SPINK14: variants seen among roughly 807,000 people sequenced by gnomAD.
SPINK14 encodes the protein serine protease inhibitor Kazal-type 14.
Under a neutral mutation model 14.2 loss-of-function variants are expected in SPINK14, and 6 were observed. The observed-to-expected ratio is 0.42, with a 90% confidence interval of 0.23 to 0.83. The LOEUF is 0.83. SPINK14 is among the 40% of genes least tolerant of loss of function. SPINK14 has a pLI of 0.28. For missense variants in SPINK14, 86 were observed against 108.3 expected (o/e 0.79, Z 0.91); for synonymous variants, 34 against 36.8 (o/e 0.92, Z 0.27).
intron 2 of SPINK14, 76 bp downstream of exon 2, chr5:148,169,875 G>A (rs1755077657): frequency 8.2e-7 from 1 of 1,216,364 alleles, no homozygotes; most frequent in Non-Finnish European, 1.2e-6. Context: ...GAGAGAGAAT[G>A]CTTTGAAATT....
rs1581127815 is a variant in SPINK14, at chr5:148,168,576, G to C, written c.-73+9G>C. On this transcript the variant is annotated intron_variant, in intron 1 of 4. Coordinates refer to ENST00000356972, the MANE Select transcript of SPINK14 (RefSeq NM_001001325.2). ...TTTCTCTTCTTTCTGAGGTGGGTCA[G>C]CTGTGACATGAGGGATGGAGAGAGT... Among the ~76,000 whole-genome samples the C allele has an allele frequency of 6.6e-6, 1 of 152,130 alleles. No individual in the cohort carries two copies. The highest frequency in any genetic ancestry group is 2.1e-4 in the South Asian group (1 of 4,832).
At chr5:148,174,930 A>C (rs1412736611) in intron 4 of SPINK14, among the ~76,000 whole-genome samples, 1 of 152,126 alleles carries the variant, frequency 6.6e-6, no homozygotes, top group African/African-American at 2.4e-5. Flanking sequence ...TCCCCATGGC[A>C]TCAGATTGGA....
At chr5:148,172,741 G>T (rs1755123794) in intron 3 of SPINK14, among the ~76,000 whole-genome samples, 1 of 152,124 alleles carries the variant, frequency 6.6e-6, no homozygotes, top group South Asian at 2.1e-4. Flanking sequence ...TATAACCTGA[G>T]CTCTAAAGTT....
chr5:148,175,350 T>C lies in SPINK14; in HGVS notation c.249-3T>C, dbSNP rs1223638864. 1.9e-6 allele frequency: 3 copies of C among 1,580,582 alleles called. No homozygotes were observed. Among genetic ancestry groups the C allele is most frequent in the Non-Finnish European group, 2.6e-6 (3 of 1,153,754 alleles). ...GAAATGTTTATTCTGATTCTTCCTT[T>C]AGGAAATCTCATGGAAGAATCAGGT... is the stretch of plus-strand genomic sequence containing the variant. On this transcript the variant is annotated splice_region_variant and splice_polypyrimidine_tract_variant and intron_variant, in intron 4 of 4. Transcript: ENST00000356972.
intron 3 of SPINK14, among the ~76,000 whole-genome samples, chr5:148,172,908 C>A (rs974681475): frequency 6.6e-6 from 1 of 151,932 alleles, no homozygotes; most frequent in Admixed American, 6.6e-5. Context: ...CAGGTAAGGG[C>A]GGAAGATTTG....
In SPINK14 at chr5:148,169,290, T is replaced by C. The variant is rs544663552; in HGVS notation, c.-72-371T>C. On this transcript the variant is annotated intron_variant, in intron 1 of 4. Coordinates refer to ENST00000356972, the MANE Select transcript of SPINK14 (RefSeq NM_001001325.2). ...AGCAAGTACAGATCCACTCCACTTA[T>C]TGAGAAGTTCATGTTGTCTAGGGAC... is the stretch of plus-strand genomic sequence containing the variant. 2.6e-5 allele frequency among the ~76,000 whole-genome samples: 4 copies of C among 151,968 alleles called. No homozygotes were observed. In the East Asian group the frequency reaches 5.8e-4, roughly 22 times the overall value.
In SPINK14 at chr5:148,175,476, A is replaced by G. The variant is rs563218887; in HGVS notation, c.*78A>G. On this transcript the variant is annotated 3_prime_UTR_variant, in exon 5 of 5. Coordinates refer to ENST00000356972, the MANE Select transcript of SPINK14 (RefSeq NM_001001325.2). The stretch of plus-strand genomic sequence containing the variant: ...CCAATCTCCCTCTTGCGCTTTTTAC[A>G]TCTCCTTGCATTTGTTCTTCATGAC... The G allele has an allele frequency of 9.6e-7, 1 of 1,041,668 alleles. No individual in the cohort carries two copies. The highest frequency in any genetic ancestry group is 2.1e-5 in the Admixed American group (1 of 48,628). 64.5% of individuals were successfully genotyped at this position (1,041,668 alleles called of 1,614,324 possible). A position where few individuals can be genotyped will look rare whatever the true frequency, so the allele number is the denominator to read the frequency against.
intron 1 of SPINK14, among the ~76,000 whole-genome samples, chr5:148,169,135 A>C (rs1755067837): frequency 6.6e-6 from 1 of 152,130 alleles, no homozygotes; most frequent in South Asian, 2.1e-4. Flanking sequence ...ATGGCAGATA[A>C]TGATTTTTCT....
At position 148,169,762 on chromosome 5, in the gene SPINK14, T is replaced by G. The variant is rs747326155; in HGVS notation, c.30T>G (p.Leu10=). 8 of 1,607,352 alleles carry G rather than the reference T, an allele frequency of 5.0e-6. No individual in the cohort carries two copies. The highest frequency in any genetic ancestry group is 6.8e-6 in the Non-Finnish European group (8 of 1,176,770). The change falls in exon 2 of 5, where the codon CTT becomes CTG. Residue 10 remains leucine, a synonymous_variant. Transcript: ENST00000356972. MAKSFPVFS[L]LSFILIHLVL... is the part of the protein sequence containing the mutation. The stretch of plus-strand genomic sequence containing the variant: ...CCAAATCTTTCCCAGTATTCTCACT[T>G]TTGTCCTTTATCTTGATACATTTGG...
intron 3 of SPINK14, among the ~76,000 whole-genome samples, chr5:148,172,190 C>T (rs1408834905): frequency 6.6e-6 from 1 of 152,062 alleles, no homozygotes; most frequent in African/African-American, 2.4e-5. Context: ...GTTTGTCTGT[C>T]ATGGGGATAT....
rs897612742 is a variant in SPINK14, at chr5:148,172,803, G to A, written c.112-1431G>A. Reference sequence around the variant, plus strand: ...ATATTTGGTGGGGTGGTTATGACACGTCAGAAGACCTTGAGGTGAGGGAAA... The same window carrying A: ...ATATTTGGTGGGGTGGTTATGACACATCAGAAGACCTTGAGGTGAGGGAAA... On this transcript the variant is annotated intron_variant, in intron 3 of 4. Transcript: ENST00000356972. 5.7e-5 allele frequency among the ~76,000 whole-genome samples: 8 copies of A among 139,688 alleles called. No individual in the cohort carries two copies. The East Asian group carries it at 1.0e-3, about 18-fold the overall frequency. 91.6% of individuals were successfully genotyped at this position (139,688 alleles called of 152,430 possible). A position where few individuals can be genotyped will look rare whatever the true frequency, so the allele number is the denominator to read the frequency against.
rs1042670226 is a variant in SPINK14, at chr5:148,175,361, A to G, written c.257A>G (p.His86Arg). 6.3e-7 allele frequency: 1 copy of G among 1,597,552 alleles called. No individual in the cohort carries two copies. The highest frequency in any genetic ancestry group is 1.3e-5 in the African/African-American group (1 of 74,630). ...CILCVESLKS[H>R]GRIRFYHDGK... ...TCTGATTCTTCCTTTAGGAAATCTC[A>G]TGGAAGAATCAGGTTTTACCATGAT... is the stretch of plus-strand genomic sequence containing the variant. The change falls in exon 5 of 5, where the codon CAT becomes CGT. Residue 86 changes from histidine (H) to arginine (R), a missense_variant. By Grantham distance (29) the His-to-Arg change is conservative (BLOSUM62 0). Transcript: ENST00000356972.
In SPINK14 at chr5:148,175,423, T is replaced by C. The variant is rs541270858; in HGVS notation, c.*25T>C. The C allele has an allele frequency of 2.6e-6, 4 of 1,514,780 alleles. No homozygotes were observed. Among genetic ancestry groups the C allele is most frequent in the African/African-American group, 1.7e-5 (1 of 57,860 alleles). The allele number at this position is 1,514,780 out of a possible 1,614,324, so 93.8% of individuals were successfully genotyped here. ...GCTGAGTGGACTTGAATGTGGAAGA[T>C]ATCTTCTTTTTTTTTTCCTCCATGT... On this transcript the variant is annotated 3_prime_UTR_variant, in exon 5 of 5. Coordinates refer to ENST00000356972, the MANE Select transcript of SPINK14 (RefSeq NM_001001325.2).
intron 3 of SPINK14, 99 bp downstream of exon 3, chr5:148,171,072 C>T (rs1398127119): frequency 2.0e-5 from 22 of 1,120,304 alleles, no homozygotes; most frequent in Non-Finnish European, 2.5e-5. Flanking sequence ...CAAGGTCACC[C>T]GTAATAGTCT....
intron 4 of SPINK14, among the ~76,000 whole-genome samples, chr5:148,174,830 A>T (rs910140240): frequency 3.3e-5 from 5 of 152,144 alleles, no homozygotes; most frequent in African/African-American, 1.2e-4. Flanking sequence ...ATGTGACATA[A>T]ATCAGTGATT....
intron 2 of SPINK14, 94 bp from the exon 3 acceptor site, chr5:148,170,836 T>G (rs1197283922): frequency 9.0e-7 from 1 of 1,112,182 alleles, no homozygotes; most frequent in African/African-American, 1.6e-5. Flanking sequence ...GAAAACTTCC[T>G]TGATAATAAA....
intron 2 of SPINK14, among the ~76,000 whole-genome samples, chr5:148,170,577 G>T (rs1755091650): frequency 6.6e-6 from 1 of 152,010 alleles, no homozygotes; most frequent in Admixed American, 6.6e-5. Context: ...AAAATATGAT[G>T]ATTGGGCCAA....
chr5:148,172,610 TG>T (rs1451495315), intron 3 of SPINK14, among the ~76,000 whole-genome samples: 2 of 152,136 alleles, frequency 1.3e-5, no homozygotes, highest in Non-Finnish European at 2.9e-5. Context: ...TATACTCCTT[TG>T]GGGGTGTGGG....
intron 2 of SPINK14, 130 bp from the exon 3 acceptor site, chr5:148,170,794 CATGTAT>C: frequency 1.3e-6 from 1 of 743,098 alleles, no homozygotes; most frequent in Non-Finnish European, 2.3e-6. Flanking sequence ...TGAATGAATA[CATGTAT>C]AAATGAAATA....
Sources: allele counts gnomAD v4.1 joint callset (sites outside exome capture counted in the v4.1 genomes callset), GRCh38; gene constraint gnomAD v4.1.1; transcripts MANE v1.5; gene names NCBI Gene and HGNC (gene_info 2026-07-23, HGNC 2026-07-21).